TPCN2: variants seen among roughly 807,000 people sequenced by gnomAD.
TPCN2 encodes two pore segment channel 2.
A neutral mutation model predicts 111.4 loss-of-function variants in TPCN2; 92 were observed. The observed-to-expected ratio is 0.83, with a 90% CI of 0.70 to 0.98. The LOEUF is 0.98. TPCN2 is among the 50% of genes least tolerant of loss of function. The pLI is 0.00. For synonymous variants in TPCN2, 405 were observed against 414.5 expected (o/e 0.98, Z 0.28); for missense variants, 995 against 980.1 (o/e 1.02, Z -0.20).
At chr11:69,084,768 C>G in intron 19 of TPCN2, 1 of 985,434 alleles carries the variant, frequency 1.0e-6, no homozygotes, top group African/African-American at 1.7e-5. Flanking sequence ...GAAATAGACG[C>G]TGGGAAGAGA....
intron 2 of TPCN2, 60 bp downstream of exon 2, chr11:69,054,157 G>T: frequency 6.9e-7 from 1 of 1,453,128 alleles, no homozygotes; most frequent in African/African-American, 1.4e-5. Context: ...CGATTGGCTC[G>T]CCCCTCCAGG....
intron 22 of TPCN2, 110 bp from the exon 23 acceptor site, chr11:69,086,413 G>C: frequency 1.2e-6 from 1 of 868,228 alleles, no homozygotes; most frequent in South Asian, 1.3e-5. Flanking sequence ...ATCATGGTGT[G>C]TGTGGGCCGG....
intron 5 of TPCN2, among the ~76,000 whole-genome samples, chr11:69,060,207 CAG>C (rs1854958771): frequency 6.6e-6 from 1 of 152,214 alleles, no homozygotes; most frequent in African/African-American, 2.4e-5. Flanking sequence ...TCAGTCCACA[CAG>C]GGGACTGCCC....
chr11:69,054,241 C>T (rs768110326), intron 2 of TPCN2, 144 bp downstream of exon 2: 6 of 671,044 alleles, frequency 8.9e-6, no homozygotes, highest in East Asian at 2.7e-5. Context: ...CCTCTGGGCA[C>T]GGCTCTTCGT....
chr11:69,056,306 G>T (rs1280126338), intron 4 of TPCN2, among the ~76,000 whole-genome samples: 1 of 152,224 alleles, frequency 6.6e-6, no homozygotes, highest in Non-Finnish European at 1.5e-5. Flanking sequence ...CCGACCGAGG[G>T]TTGTGGCTGG....
At position 69,088,813 on chromosome 11, in the gene TPCN2, C is replaced by G. The variant is rs1389982901; in HGVS notation, c.*860C>G. Reference sequence around the variant, plus strand: ...TGAAGCACGCCAGGTCCAGATTGACCAATGGTTTTCTCACTTCAGGGGCCA... The same window carrying G: ...TGAAGCACGCCAGGTCCAGATTGACGAATGGTTTTCTCACTTCAGGGGCCA... On this transcript the variant is annotated 3_prime_UTR_variant, in exon 25 of 25. Coordinates refer to ENST00000294309, the MANE Select transcript of TPCN2 (RefSeq NM_139075.4). The G allele has an allele frequency of 1.3e-5, 2 of 152,152 alleles. No individual in the cohort carries two copies. The highest frequency in any genetic ancestry group is 2.9e-5 in the Non-Finnish European group (2 of 68,038). The allele number at this position is 152,152 out of a possible 1,614,324, so 9.4% of individuals were successfully genotyped here. A position where few individuals can be genotyped will look rare whatever the true frequency, so the allele number is the denominator to read the frequency against.
At chr11:69,081,292 G>A (rs1033986915) in intron 17 of TPCN2, 108 bp from the exon 18 acceptor site, 4 of 683,404 alleles carry the variant, frequency 5.9e-6, no homozygotes, top group African/African-American at 5.3e-5. Context: ...CTCCCGTCAT[G>A]CCCTGTTGCC....
chr11:69,070,898 C>T (rs1855498352), intron 9 of TPCN2, among the ~76,000 whole-genome samples: 1 of 141,004 alleles, frequency 7.1e-6, no homozygotes, highest in African/African-American at 2.7e-5. Flanking sequence ...AACAGCTTCA[C>T]CCCAGGGATC....
rs181205208 is a variant in TPCN2, at chr11:69,053,910, T to C, written c.110-123T>C. ...CATGCAGCCCCACTGCCGGGTGGAG[T>C]CATCTCTTTACAAACGGCCTTGGGA... On this transcript the variant is annotated intron_variant, in intron 1 of 24. Transcript: ENST00000294309. The C allele has an allele frequency of 8.1e-4, 637 of 789,474 alleles. 3 individuals carry two copies. The highest frequency in any genetic ancestry group is 7.6e-3 in the African/African-American group (445 of 58,614). The allele number at this position is 789,474 out of a possible 1,614,324, so 48.9% of individuals were successfully genotyped here. A position where few individuals can be genotyped will look rare whatever the true frequency, so the allele number is the denominator to read the frequency against.
intron 1 of TPCN2, among the ~76,000 whole-genome samples, chr11:69,050,197 A>G (rs1861158514): frequency 6.6e-6 from 1 of 152,150 alleles, no homozygotes; most frequent in South Asian, 2.1e-4. Context: ...GCCTCCAGGA[A>G]GTTCTTCAGG....
At position 69,063,885 on chromosome 11, in the gene TPCN2, T is replaced by C. The variant is rs1293404460; in HGVS notation, c.654-10T>C. The C allele has an allele frequency of 1.2e-6, 2 of 1,613,400 alleles. No homozygotes were observed. The highest frequency in any genetic ancestry group is 1.3e-5 in the African/African-American group (1 of 74,878). ...GCCTGGCCCAGGCTGAGTGCCGTGC[T>C]CTCCCCCAGCGTCGGGCTGCTGCTG... is the stretch of plus-strand genomic sequence containing the variant. On this transcript the variant is annotated splice_polypyrimidine_tract_variant and intron_variant, in intron 6 of 24. Transcript: ENST00000294309.
intron 8 of TPCN2, among the ~76,000 whole-genome samples, chr11:69,070,021 T>C (rs1326324955): frequency 7.9e-6 from 1 of 126,502 alleles, no homozygotes; most frequent in Non-Finnish European, 1.8e-5. Context: ...TTTTTTTCTT[T>C]CTTTCTTTTT....
chr11:69,079,762 A>G (rs1217812210), intron 16 of TPCN2, 72 bp from the exon 17 acceptor site: 11 of 1,429,408 alleles, frequency 7.7e-6, no homozygotes, highest in South Asian at 1.2e-5. Flanking sequence ...GATGAGCTTT[A>G]TAATAATTCC....
intron 1 of TPCN2, among the ~76,000 whole-genome samples, chr11:69,053,404 T>C (rs1252508053): frequency 6.6e-6 from 1 of 151,946 alleles, no homozygotes; most frequent in Non-Finnish European, 1.5e-5. Context: ...TGAAGCCTCA[T>C]GGCAGTGCCT....
intron 8 of TPCN2, among the ~76,000 whole-genome samples, chr11:69,069,330 A>G (rs146590089): frequency 0.52 from 6,744 of 12,968 alleles, 2,687 homozygotes; most frequent in Middle Eastern, 0.72. Context: ...GAGCAGGACC[A>G]TCTGAGTCCT....
rs768040401 is a variant in TPCN2, at chr11:69,089,994, A to T, written c.*2041A>T. The T allele has an allele frequency of 7.2e-5, 11 of 152,044 alleles. No homozygotes were observed. Among genetic ancestry groups the T allele is most frequent in the Non-Finnish European group, 1.3e-4 (9 of 68,016 alleles). 9.4% of individuals were successfully genotyped at this position (152,044 alleles called of 1,614,324 possible). A position where few individuals can be genotyped will look rare whatever the true frequency, so the allele number is the denominator to read the frequency against. ...CAAAAAGATGTTCAAGCCTTATTTT[A>T]TACTTGCCTGCCCCTTTCTCTTTCA... On this transcript the variant is annotated 3_prime_UTR_variant, in exon 25 of 25. Transcript: ENST00000294309.
Position 69,062,897 on chromosome 11 carries a change from G to A in TPCN2, c.560G>A (p.Arg187His), listed in dbSNP as rs778545128. 9.3e-6 allele frequency: 15 copies of A among 1,613,916 alleles called. No homozygotes were observed. The South Asian group carries it at 1.1e-4, about 12-fold the overall frequency. The change falls in exon 6 of 25, where the codon CGC (arginine) becomes CAC (histidine). Residue 187 changes from arginine (R) to histidine (H), a missense_variant. By Grantham distance (29) the Arg-to-His change is conservative. Coordinates refer to ENST00000294309, the MANE Select transcript of TPCN2 (RefSeq NM_139075.4). Reference sequence around the variant, plus strand: ...GGTCTCTTCCAGCCCCTGCGGATCCGCCGGCTTCTCCGTCCCTTCTTCCTG... The same window carrying A: ...GGTCTCTTCCAGCCCCTGCGGATCCACCGGCTTCTCCGTCCCTTCTTCCTG... ...SLVCHEPLRI[R>H]RLLRPFFLLQ... is the part of the protein sequence containing the mutation.
intron 13 of TPCN2, among the ~76,000 whole-genome samples, chr11:69,076,677 C>G (rs71464361): frequency 5.9e-5 from 5 of 84,056 alleles, no homozygotes; most frequent in South Asian, 5.1e-4. Context: ...GCCCTCCTGC[C>G]GTGTCCCTCC....
At chr11:69,049,418 G>C (rs1233952928) in intron 1 of TPCN2, among the ~76,000 whole-genome samples, 1 of 152,236 alleles carries the variant, frequency 6.6e-6, no homozygotes, top group Non-Finnish European at 1.5e-5. Flanking sequence ...CCTGCGGCAG[G>C]CACCCTCCGT....
Sources: gnomAD v4.1 joint callset for allele counts (sites outside exome capture counted in the v4.1 genomes callset) on GRCh38, gnomAD v4.1.1 for gene constraint, MANE v1.5 for transcripts, NCBI Gene and HGNC (gene_info 2026-07-23, HGNC 2026-07-21) for gene names.